The following SMCHD1 variants were observed in gnomAD, a reference collection of about 807,000 sequenced individuals.
SMCHD1 encodes the protein structural maintenance of chromosomes flexible hinge domain-containing protein 1.
In SMCHD1, 78 loss-of-function variants were observed where a neutral mutation model predicts 254.7. That is an observed-to-expected ratio of 0.31 (90% confidence interval 0.26 to 0.37). SMCHD1 has a LOEUF of 0.37. Among genes scored for constraint, SMCHD1 ranks in the 10% least tolerant of loss-of-function variants. SMCHD1 has a pLI of 1.00. For missense variants in SMCHD1, 1,840 were observed against 2,408.1 expected, an observed-to-expected ratio of 0.76 and a Z score of 4.94; for synonymous variants, 766 against 794.9, an observed-to-expected ratio of 0.96 and a Z score of 0.61.
chr18:2,699,082 T>C (rs892362840), intron 10 of SMCHD1, among the ~76,000 whole-genome samples: 1 of 152,196 alleles, frequency 6.6e-6, no homozygotes, highest in Non-Finnish European at 1.5e-5. Flanking sequence ...GAATACTTCC[T>C]TAGTACATTC....
chr18:2,690,646 CTTTTTTTTTTT>C (rs71365194), intron 7 of SMCHD1, among the ~76,000 whole-genome samples: 1 of 133,604 alleles, frequency 7.5e-6, no homozygotes, highest in Non-Finnish European at 1.6e-5. Flanking sequence ...TAATTTTTTT[CTTTTTTTTTTT>C]TTTTTTAGTG....
rs2073456861 is a variant in SMCHD1, at chr18:2,666,907, A to G, written c.300A>G (p.Leu100=). 3 of 1,613,454 alleles carry G rather than the reference A, an allele frequency of 1.9e-6. No individual in the cohort carries two copies. The highest frequency in any genetic ancestry group is 1.3e-5 in the African/African-American group (1 of 75,046). ...AAGATGGAGTCACCTTATACCTGCT[A>G]CAGTCGGTCAATCAGTTACTACTGA... ...TVKDGVTLYL[L]QSVNQLLLTA... is the part of the protein sequence containing the mutation. Residue 100 remains leucine, a synonymous_variant, in exon 3 of 48, where the codon CTA becomes CTG. Transcript: ENST00000320876.
intron 17 of SMCHD1, among the ~76,000 whole-genome samples, chr18:2,711,354 T>C (rs1008504025): frequency 1.3e-5 from 2 of 151,798 alleles, no homozygotes; most frequent in African/African-American, 4.8e-5. Flanking sequence ...TGCCTCAGTC[T>C]CCCAAAGTGT....
rs779723664 is a variant in SMCHD1 at position 2,700,764 on chromosome 18, G to A, written c.1493G>A (p.Arg498Lys). ...DFDWCTPPKKRGLAPIECYNR... is the reference protein window; with the variant it reads ...DFDWCTPPKKKGLAPIECYNR... ...GACTGGTGTACTCCTCCTAAGAAGA[G>A]AGGGCTTGCACCAATTGAATGCTAC... is the stretch of plus-strand genomic sequence containing the variant. The change falls in exon 12 of 48, where the codon AGA becomes AAA. Residue 498 changes from arginine to lysine, a missense_variant. Physicochemically the swap from Arg to Lys is conservative, Grantham distance 26. Coordinates refer to ENST00000320876, the MANE Select transcript of SMCHD1 (RefSeq NM_015295.3). 2.5e-6 allele frequency: 4 copies of A among 1,611,458 alleles called. No individual in the cohort carries two copies. The highest frequency in any genetic ancestry group is 3.4e-6 in the Non-Finnish European group (4 of 1,178,802).
intron 3 of SMCHD1, among the ~76,000 whole-genome samples, chr18:2,671,144 C>T (rs972002659): frequency 6.6e-6 from 1 of 151,782 alleles, no homozygotes; most frequent in African/African-American, 2.4e-5. Flanking sequence ...CCATGTTGGT[C>T]AGGCTGGTCT....
chr18:2,703,883 G>A lies in SMCHD1; in HGVS notation c.1839G>A (p.Gln613=). 10 of 1,568,242 alleles carry A rather than the reference G, an allele frequency of 6.4e-6. No homozygotes were observed. Among genetic ancestry groups the A allele is most frequent in the Non-Finnish European group, 8.6e-6 (10 of 1,162,156 alleles). The change falls in exon 13 of 48, where the codon CAG becomes CAA. Residue 613 remains glutamine, a synonymous_variant. Coordinates refer to ENST00000320876, the MANE Select transcript of SMCHD1 (RefSeq NM_015295.3). ...ATGGAAAGATATACAAAGCAGGACA[G>A]CTGGTAGGTTTAACTTATTGTCACT... ...EWDGKIYKAG[Q]LVKTIKTLPL...
intron 45 of SMCHD1, among the ~76,000 whole-genome samples, chr18:2,786,700 G>GA (rs1191402507): frequency 1.3e-5 from 2 of 151,990 alleles, no homozygotes; most frequent in African/African-American, 4.8e-5. Flanking sequence ...ATAAAAAAAA[G>GA]AAAAAGAAAC....
intron 15 of SMCHD1, among the ~76,000 whole-genome samples, chr18:2,706,936 C>T (rs772632805): frequency 8.5e-5 from 13 of 152,096 alleles, no homozygotes; most frequent in African/African-American, 3.1e-4. Context: ...GAAGGGGAAG[C>T]AAGCCATGTC....
intron 39 of SMCHD1, among the ~76,000 whole-genome samples, chr18:2,770,984 G>A (rs1270405632): frequency 1.3e-5 from 2 of 152,132 alleles, no homozygotes; most frequent in Non-Finnish European, 2.9e-5. Flanking sequence ...TTTCTGAGTT[G>A]TGCTCTATCA....
rs781203844 is a variant in SMCHD1, at chr18:2,732,285, T to A, written c.3069T>A (p.Pro1023=). 1 of 1,613,624 alleles carries A rather than the reference T, an allele frequency of 6.2e-7. No individual in the cohort carries two copies. Among genetic ancestry groups the A allele is most frequent in the Admixed American group, 1.7e-5 (1 of 60,014 alleles). The change falls in exon 25 of 48, where the codon CCT becomes CCA. Residue 1023 remains proline (P), a synonymous_variant. Coordinates refer to ENST00000320876, the MANE Select transcript of SMCHD1 (RefSeq NM_015295.3). Reference sequence around the variant, plus strand: ...TCTAGAGTTGTAAAGATGTGGCACCTGTGGAGAAGACTATTAAGTTGCTTC... The same window carrying A: ...TCTAGAGTTGTAAAGATGTGGCACCAGTGGAGAAGACTATTAAGTTGCTTC... The part of the protein sequence containing the change: ...IEIPSCKDVA[P]VEKTIKLLPS...
At chr18:2,689,589 G>A (rs904047042) in intron 7 of SMCHD1, among the ~76,000 whole-genome samples, 1 of 151,894 alleles carries the variant, frequency 6.6e-6, no homozygotes, top group African/African-American at 2.4e-5. Flanking sequence ...AAGAGATGGG[G>A]TCTCACTCTG....
rs376889583 is a variant in SMCHD1, at chr18:2,740,482, AT to A, written c.3515-219del. Among the ~76,000 whole-genome samples the A allele has an allele frequency of 3.5e-4, 54 of 152,300 alleles. No individual in the cohort carries two copies. The East Asian group carries it at 9.6e-3, about 27-fold the overall frequency. On this transcript the variant is annotated intron_variant, in intron 27 of 47. Transcript: ENST00000320876. ...TTCATGGTAAAAAAATCTGATTAAC[AT>A]TAGCATCGTGTTAAATGTAGTTGAA...
intron 1 of SMCHD1, among the ~76,000 whole-genome samples, chr18:2,662,189 AAAT>A (rs1480072494): frequency 1.2e-5 from 1 of 82,156 alleles, no homozygotes; most frequent in African/African-American, 1.3e-4. Flanking sequence ...TAAAATAAAT[AAAT>A]AAATAAATAA....
At chr18:2,681,386 C>T (rs1365842129) in intron 5 of SMCHD1, among the ~76,000 whole-genome samples, 1 of 134,180 alleles carries the variant, frequency 7.5e-6, no homozygotes, top group Non-Finnish European at 1.6e-5. Context: ...GTACTCCAGC[C>T]TGGGTGACAG....
chr18:2,692,577 C>A (rs1057350584), intron 7 of SMCHD1, among the ~76,000 whole-genome samples: 1 of 152,172 alleles, frequency 6.6e-6, no homozygotes, highest in Non-Finnish European at 1.5e-5. Flanking sequence ...CTCTTCCACC[C>A]ACTTTCCACT....
intron 24 of SMCHD1, among the ~76,000 whole-genome samples, chr18:2,730,392 G>C (rs145850062): frequency 2.6e-5 from 4 of 152,004 alleles, no homozygotes; most frequent in Admixed American, 6.6e-5. Flanking sequence ...GGATGGTCTC[G>C]ACCTCCTGAG....
rs189764298 is a variant in SMCHD1, at chr18:2,745,807, A to G, written c.3802-1715A>G. On this transcript the variant is annotated intron_variant, in intron 29 of 47. Transcript: ENST00000320876. ...CGTAATAATCCAGAAATTTAAAATA[A>G]AACATAAACTAATATATCAGTCTCT... Among the ~76,000 whole-genome samples, 5 of 152,350 alleles carry G rather than the reference A, an allele frequency of 3.3e-5. No individual in the cohort carries two copies. In the East Asian group the frequency reaches 9.6e-4, roughly 29 times the overall value.
chr18:2,772,743 G>C (rs905886803), intron 41 of SMCHD1, among the ~76,000 whole-genome samples: 1 of 152,190 alleles, frequency 6.6e-6, no homozygotes, highest in Admixed American at 6.5e-5. Context: ...TGATCCTTCT[G>C]CCTCAGCCCC....
chr18:2,697,375 A>C (rs578113032), intron 9 of SMCHD1, among the ~76,000 whole-genome samples: 26 of 152,292 alleles, frequency 1.7e-4, no homozygotes, highest in Admixed American at 8.5e-4. Context: ...TTGTTACTGA[A>C]CATCAATCAT....
Sources: gnomAD v4.1 joint callset for allele counts (sites outside exome capture counted in the v4.1 genomes callset) on GRCh38, gnomAD v4.1.1 for gene constraint, MANE v1.5 for transcripts, NCBI Gene and HGNC (gene_info 2026-07-23, HGNC 2026-07-21) for gene names.